PHF3: variants seen among roughly 807,000 people sequenced by gnomAD.
PHF3 encodes the protein PHD finger protein 3.
In PHF3, 41 loss-of-function variants were observed where a neutral mutation model predicts 178.4. The observed-to-expected ratio is 0.23, with a 90% CI of 0.18 to 0.30. The LOEUF (loss-of-function observed/expected upper bound fraction) is 0.30, where lower values mean the gene tolerates loss of function less well. PHF3 is among the 10% of genes least tolerant of loss of function. The pLI is 1.00. For synonymous variants in PHF3, 842 were observed against 800.5 expected, an observed-to-expected ratio of 1.05 and a Z score of -0.88; for missense variants, 2,346 against 2,398.1, an observed-to-expected ratio of 0.98 and a Z score of 0.45.
In PHF3 at chr6:63,721,678, T is replaced by C. The variant is rs555424787; in HGVS notation, c.*7970T>C. ...GCACCAACTCTTCCTGCTTTTATTA[T>C]ATGCCAAGTACTTCCGTTTATAGTT... is the stretch of plus-strand genomic sequence containing the variant. On this transcript the variant is annotated 3_prime_UTR_variant, in exon 16 of 16. Coordinates refer to ENST00000262043, the MANE Select transcript of PHF3 (RefSeq NM_001370348.2). 3 of 1,551,534 alleles carry C rather than the reference T, an allele frequency of 1.9e-6. No homozygotes were observed. Among genetic ancestry groups the C allele is most frequent in the Non-Finnish European group, 2.6e-6 (3 of 1,146,812 alleles).
rs1766618192 is a variant in PHF3, at chr6:63,685,020, G to A, written c.1298G>A (p.Ser433Asn). ...GATACTAGTACTTTTGGACCGGAAA[G>A]TAATATCTTGGAAAATGCTATTTGT... ...VVDTSTFGPE[S>N]NILENAICDV... The change falls in exon 4 of 16, where the codon AGT (serine) becomes AAT (asparagine). Residue 433 changes from serine (S) to asparagine (N), a missense_variant. Ser to Asn is a conservative substitution (Grantham distance 46). Around this residue, in one of 8 missense-constraint regions of PHF3, gnomAD observed 843 missense variants for 795.2 expected, o/e 1.06. Coordinates refer to ENST00000262043, the MANE Select transcript of PHF3 (RefSeq NM_001370348.2). 1 of 1,613,976 alleles carries A rather than the reference G, an allele frequency of 6.2e-7. No individual in the cohort carries two copies. Among genetic ancestry groups the A allele is most frequent in the Admixed American group, 1.7e-5 (1 of 60,010 alleles).
chr6:63,689,009 G>A (rs68128834), intron 4 of PHF3, among the ~76,000 whole-genome samples: 23,047 of 152,124 alleles, frequency 0.15, 2,051 homozygotes, highest in African/African-American at 0.25. Context: ...TAATATAGCT[G>A]TGTCATGGCT....
intron 4 of PHF3, 77 bp from the exon 5 acceptor site, chr6:63,691,660 T>C: frequency 7.9e-7 from 1 of 1,260,860 alleles, no homozygotes; most frequent in Non-Finnish European, 1.1e-6. Flanking sequence ...TATTGAAAAT[T>C]TAATTTAGCC....
Position 63,722,724 on chromosome 6 carries a change from ACTT to A in PHF3, c.*9021_*9023del, listed in dbSNP as rs1457339817. The stretch of plus-strand genomic sequence containing the variant: ...GGGATATTCGGCATTATGCTACACT[ACTT>A]CTTCCTCCCTCCAGAGTGCCTATTT... On this transcript the variant is annotated 3_prime_UTR_variant, in exon 16 of 16. Transcript: ENST00000262043. 1.3e-5 allele frequency among the ~76,000 whole-genome samples: 2 copies of A among 152,056 alleles called. No homozygotes were observed. The highest frequency in any genetic ancestry group is 2.9e-5 in the Non-Finnish European group (2 of 68,002).
Position 63,712,055 on chromosome 6 carries a change from A to G in PHF3, c.4467A>G (p.Glu1489=). 6.2e-7 allele frequency: 1 copy of G among 1,613,792 alleles called. No individual in the cohort carries two copies. The highest frequency in any genetic ancestry group is 8.5e-7 in the Non-Finnish European group (1 of 1,179,952). The part of the protein sequence containing the change: ...QVYDQAQSVM[E]QNTVKEIPFL... Reference sequence around the variant, plus strand: ...ATGACCAGGCCCAGTCAGTGATGGAACAAAACACTGTTAAAGAAATTCCAT... The same window carrying G: ...ATGACCAGGCCCAGTCAGTGATGGAGCAAAACACTGTTAAAGAAATTCCAT... Residue 1489 remains glutamate (E), a synonymous_variant, in exon 16 of 16, where the codon GAA becomes GAG. Coordinates refer to ENST00000262043, the MANE Select transcript of PHF3 (RefSeq NM_001370348.2).
rs1768194674 is a variant in PHF3 at position 63,716,515 on chromosome 6, CTATTGCTGTTGTG to C, written c.*2808_*2820del. Among the ~76,000 whole-genome samples the C allele has an allele frequency of 6.6e-6, 1 of 152,068 alleles. No individual in the cohort carries two copies. Among genetic ancestry groups the C allele is most frequent in the African/African-American group, 2.4e-5 (1 of 41,424 alleles). ...AATCCTAATTCTCTATTCCTGTTTT[CTATTGCTGTTGTG>C]ATGAATTACTACAAGTGTAGTGGCT... On this transcript the variant is annotated 3_prime_UTR_variant, in exon 16 of 16. Coordinates refer to ENST00000262043, the MANE Select transcript of PHF3 (RefSeq NM_001370348.2).
chr6:63,677,977 C>T (rs189259134), intron 2 of PHF3, among the ~76,000 whole-genome samples: 122 of 152,150 alleles, frequency 8.0e-4, no homozygotes, highest in African/African-American at 2.7e-3. Flanking sequence ...AATCCCAGCA[C>T]TTTGGGAGGC....
chr6:63,694,506 T>C, intron 5 of PHF3, 75 bp from the exon 6 acceptor site: 2 of 1,032,506 alleles, frequency 1.9e-6, no homozygotes, highest in Non-Finnish European at 2.7e-6. Context: ...TAATCAAGAG[T>C]TATTTTTGTA....
intron 2 of PHF3, among the ~76,000 whole-genome samples, chr6:63,655,550 TC>T (rs2149549692): frequency 6.6e-6 from 1 of 152,320 alleles, no homozygotes; most frequent in South Asian, 2.1e-4. Flanking sequence ...AACTAAATTA[TC>T]CATGAAACTG....
Position 63,714,528 on chromosome 6 carries a change from A to AT in PHF3, c.*826dup, listed in dbSNP as rs1197592394. ...AAGCTTTAATTACCTTCAGACATTG[A>AT]TTTTTTGTTACTCAGCCAAGAACAT... is the stretch of plus-strand genomic sequence containing the variant. On this transcript the variant is annotated 3_prime_UTR_variant, in exon 16 of 16. Coordinates refer to ENST00000262043, the MANE Select transcript of PHF3 (RefSeq NM_001370348.2). The AT allele has an allele frequency of 2.6e-5, 4 of 152,612 alleles. No individual in the cohort carries two copies. Among genetic ancestry groups the AT allele is most frequent in the East Asian group, 1.9e-4 (1 of 5,184 alleles). 9.5% of individuals were successfully genotyped at this position (152,612 alleles called of 1,614,324 possible). A position where few individuals can be genotyped will look rare whatever the true frequency, so the allele number is the denominator to read the frequency against.
rs996287574 is a variant in PHF3, at chr6:63,723,995, C to T, written c.*10287C>T. Reference sequence around the variant, plus strand: ...GCTAATTTTTGTATTTTGGGTAGAGCGAGGTTTTACCATGTTGGCCAGGCT... The same window carrying T: ...GCTAATTTTTGTATTTTGGGTAGAGTGAGGTTTTACCATGTTGGCCAGGCT... On this transcript the variant is annotated 3_prime_UTR_variant, in exon 16 of 16. Coordinates refer to ENST00000262043, the MANE Select transcript of PHF3 (RefSeq NM_001370348.2). Among the ~76,000 whole-genome samples, 2 of 151,788 alleles carry T rather than the reference C, an allele frequency of 1.3e-5. No homozygotes were observed. Among genetic ancestry groups the T allele is most frequent in the African/African-American group, 2.4e-5 (1 of 41,314 alleles).
chr6:63,685,953 T>C lies in PHF3; in HGVS notation c.2189+42T>C, dbSNP rs374498313. On this transcript the variant is annotated intron_variant, in intron 4 of 15. Coordinates refer to ENST00000262043, the MANE Select transcript of PHF3 (RefSeq NM_001370348.2). Reference sequence around the variant, plus strand: ...GTATGAGTGATGTGTACATTGAAAATAAATTGCTTTTTTGGGGGTGGGATT... The same window carrying C: ...GTATGAGTGATGTGTACATTGAAAACAAATTGCTTTTTTGGGGGTGGGATT... The C allele has an allele frequency of 9.7e-6, 14 of 1,441,224 alleles. No individual in the cohort carries two copies. In the African/African-American group the frequency reaches 1.0e-4, roughly 10 times the overall value. 89.3% of individuals were successfully genotyped at this position (1,441,224 alleles called of 1,614,324 possible). A position where few individuals can be genotyped will look rare whatever the true frequency, so the allele number is the denominator to read the frequency against.
rs1190932109 is a variant in PHF3 at position 63,720,773 on chromosome 6, A to G, written c.*7065A>G. On this transcript the variant is annotated 3_prime_UTR_variant, in exon 16 of 16. Transcript: ENST00000262043. ...TTCTACCATATTCAAAGCCCCCTAGATAACAAATGCCATCATAGTTTAGAG... is the reference window on the plus strand; with the variant it reads ...TTCTACCATATTCAAAGCCCCCTAGGTAACAAATGCCATCATAGTTTAGAG... The G allele has an allele frequency of 3.9e-6, 6 of 1,550,772 alleles. No individual in the cohort carries two copies. The highest frequency in any genetic ancestry group is 4.4e-6 in the Non-Finnish European group (5 of 1,146,486).
intron 1 of PHF3, 87 bp downstream of exon 1, chr6:63,636,237 C>T (rs1014163872): frequency 6.4e-6 from 2 of 311,670 alleles, no homozygotes; most frequent in Non-Finnish European, 5.9e-6. Flanking sequence ...CTCCGCGGGC[C>T]TCTCCGCCCC....
chr6:63,647,020 T>C (rs1022375452), intron 2 of PHF3, among the ~76,000 whole-genome samples: 3 of 151,612 alleles, frequency 2.0e-5, no homozygotes, highest in African/African-American at 7.3e-5. Flanking sequence ...CTCAAGGATA[T>C]TATGGATATA....
At chr6:63,654,889 CTTTT>C (rs34787470) in intron 2 of PHF3, among the ~76,000 whole-genome samples, 1 of 94,786 alleles carries the variant, frequency 1.1e-5, no homozygotes. Context: ...ATTAGGTGAC[CTTTT>C]TTTTTTTTTT....
At chr6:63,697,388 A>G (rs558853732) in intron 6 of PHF3, among the ~76,000 whole-genome samples, 26 of 152,246 alleles carry the variant, frequency 1.7e-4, no homozygotes, top group Non-Finnish European at 2.8e-4. Context: ...TATGAAATAG[A>G]TATCTTAAAA....
At chr6:63,710,046 A>G (rs1767862063) in intron 14 of PHF3, among the ~76,000 whole-genome samples, 1 of 152,202 alleles carries the variant, frequency 6.6e-6, no homozygotes, top group Admixed American at 6.5e-5. Context: ...TAAATCTTGA[A>G]TGAATAAATG....
chr6:63,723,002 G>A lies in PHF3; in HGVS notation c.*9294G>A, dbSNP rs114787406. On this transcript the variant is annotated 3_prime_UTR_variant, in exon 16 of 16. Coordinates refer to ENST00000262043, the MANE Select transcript of PHF3 (RefSeq NM_001370348.2). ...TTTATGAGAACAGGGTCTGTGTTTG[G>A]TTTGGTCCAACAGTTGATTCCCAGC... Among the ~76,000 whole-genome samples the A allele has an allele frequency of 6.6e-6, 1 of 152,272 alleles. No individual in the cohort carries two copies. The highest frequency in any genetic ancestry group is 2.4e-5 in the African/African-American group (1 of 41,550).
Sources: gnomAD v4.1 joint callset for allele counts (sites outside exome capture counted in the v4.1 genomes callset) on GRCh38, gnomAD v4.1.1 for gene constraint, gnomAD v4.1.1 regional missense constraint, MANE v1.5 for transcripts, NCBI Gene and HGNC (gene_info 2026-07-23, HGNC 2026-07-21) for gene names.